Variants in RFX7 observed in about 807,000 individuals in gnomAD.
RFX7 encodes the protein DNA-binding protein RFX7.
Under a neutral mutation model 111.8 loss-of-function variants are expected in RFX7, and 26 were observed. The observed-to-expected ratio is 0.23, with a 90% CI of 0.17 to 0.32. The LOEUF (loss-of-function observed/expected upper bound fraction) is 0.32. Among genes scored for constraint, RFX7 ranks in the 10% least tolerant of loss-of-function variants. The probability of loss-of-function intolerance (pLI) is 1.00; values close to 1 mark genes in which losing one functional copy is unlikely to be tolerated. For missense variants in RFX7, 1,573 were observed against 1,772.9 expected, an observed-to-expected ratio of 0.89 and a Z score of 2.02; for synonymous variants, 624 against 624.4, an observed-to-expected ratio of 1.00 and a Z score of 0.01.
intron 4 of RFX7, among the ~76,000 whole-genome samples, chr15:56,143,338 C>A (rs1284628218): frequency 7.6e-6 from 1 of 132,176 alleles, no homozygotes; most frequent in East Asian, 2.0e-4. Flanking sequence ...TATACACATA[C>A]ATATACATAT....
chr15:56,203,595 A>C (rs551583567), intron 2 of RFX7, among the ~76,000 whole-genome samples: 1 of 152,278 alleles, frequency 6.6e-6, no homozygotes, highest in South Asian at 2.1e-4. Context: ...AGGTCAGCAC[A>C]AGATACAGGT....
In RFX7 at chr15:56,094,871, T is replaced by A. The variant is rs1460870976; in HGVS notation, c.2857A>T (p.Thr953Ser). The A allele has an allele frequency of 6.5e-7, 1 of 1,547,216 alleles. No individual in the cohort carries two copies. The highest frequency in any genetic ancestry group is 8.7e-7 in the Non-Finnish European group (1 of 1,144,976). ...GTTGGGGTTGGAGTAGGAGTGGGTG[T>A]GGGTGTGGGTGTGGGTGTGTGGATT... Reference protein sequence around the residue: ...TPIHTPTPTPTPTPTPTPTPT... With the variant: ...TPIHTPTPTPSPTPTPTPTPT... Residue 953 changes from threonine (T) to serine (S), a missense_variant, in exon 10 of 10, where the codon ACA becomes TCA. Thr to Ser is a moderately conservative substitution (Grantham distance 58). Transcript: ENST00000559447.
At chr15:56,158,278 G>C (rs2042678457) in intron 3 of RFX7, among the ~76,000 whole-genome samples, 1 of 152,114 alleles carries the variant, frequency 6.6e-6, no homozygotes, top group South Asian at 2.1e-4. Flanking sequence ...AGCTTTTTAA[G>C]CTGAGTATCA....
intron 5 of RFX7, among the ~76,000 whole-genome samples, chr15:56,123,149 G>C (rs1449823188): frequency 6.6e-6 from 1 of 152,070 alleles, no homozygotes; most frequent in Non-Finnish European, 1.5e-5. Flanking sequence ...AGCCACCACA[G>C]CTGTAAATAC....
intron 2 of RFX7, among the ~76,000 whole-genome samples, chr15:56,236,843 T>G (rs1264301755): frequency 6.6e-6 from 1 of 152,108 alleles, no homozygotes; most frequent in African/African-American, 2.4e-5. Context: ...GTTAGTAAAC[T>G]CCCCAACAAC....
At chr15:56,149,924 C>A (rs2042544259) in intron 3 of RFX7, among the ~76,000 whole-genome samples, 1 of 152,000 alleles carries the variant, frequency 6.6e-6, no homozygotes, top group South Asian at 2.1e-4. Flanking sequence ...TCAGCGGGTC[C>A]CACTCCCACG....
At chr15:56,104,158 T>C (rs940738121) in intron 5 of RFX7, among the ~76,000 whole-genome samples, 3 of 152,172 alleles carry the variant, frequency 2.0e-5, no homozygotes, top group Non-Finnish European at 2.9e-5. Flanking sequence ...ATTTTACTGA[T>C]AAGAGAAAAA....
At position 56,091,239 on chromosome 15, in the gene RFX7, G is replaced by A. The variant is rs1205395560; in HGVS notation, c.*2106C>T. ...ATTGCTACATAAGACAATTTTATCT[G>A]TCACTTTGATGACATTTTGTCTTTT... On this transcript the variant is annotated 3_prime_UTR_variant, in exon 10 of 10. Transcript: ENST00000559447. 6.6e-6 allele frequency: 1 copy of A among 152,460 alleles called. No individual in the cohort carries two copies. The highest frequency in any genetic ancestry group is 2.4e-5 in the African/African-American group (1 of 41,414). 9.4% of individuals were successfully genotyped at this position (152,460 alleles called of 1,614,324 possible).
chr15:56,203,278 C>T (rs2043213081), intron 2 of RFX7, among the ~76,000 whole-genome samples: 1 of 152,132 alleles, frequency 6.6e-6, no homozygotes, highest in East Asian at 1.9e-4. Context: ...TCTAGAAGTA[C>T]ACTTTGCGAA....
intron 5 of RFX7, among the ~76,000 whole-genome samples, chr15:56,129,375 CAAA>C (rs144104993): frequency 1.1e-5 from 1 of 92,906 alleles, no homozygotes. Context: ...GACTCCCCCT[CAAA>C]AAAAAAAAAA....
At chr15:56,139,511 ATT>A (rs2042357563) in intron 5 of RFX7, among the ~76,000 whole-genome samples, 2 of 152,010 alleles carry the variant, frequency 1.3e-5, no homozygotes, top group Admixed American at 1.3e-4. Flanking sequence ...CTAGTTATAC[ATT>A]CTTCTAAATG....
intron 3 of RFX7, among the ~76,000 whole-genome samples, chr15:56,151,541 C>T (rs978695826): frequency 6.6e-6 from 1 of 152,164 alleles, no homozygotes; most frequent in Non-Finnish European, 1.5e-5. Context: ...ACCTGCCTTA[C>T]AAGAGGTCCT....
intron 3 of RFX7, among the ~76,000 whole-genome samples, chr15:56,157,448 A>C (rs564280883): frequency 6.6e-6 from 1 of 152,284 alleles, no homozygotes; most frequent in East Asian, 1.9e-4. Flanking sequence ...AGTATTTCAC[A>C]CTTTCTCTAC....
intron 2 of RFX7, among the ~76,000 whole-genome samples, chr15:56,222,697 A>C (rs774393096): frequency 2.6e-5 from 4 of 152,098 alleles, no homozygotes; most frequent in Non-Finnish European, 4.4e-5. Context: ...GATATTCTCT[A>C]TCTGTGCATG....
intron 2 of RFX7, among the ~76,000 whole-genome samples, chr15:56,233,833 C>T (rs1333156242): frequency 6.6e-6 from 1 of 152,154 alleles, no homozygotes; most frequent in Non-Finnish European, 1.5e-5. Context: ...TTCTTCTCTA[C>T]TATTACTTTA....
At chr15:56,209,055 G>A (rs756666063) in intron 2 of RFX7, among the ~76,000 whole-genome samples, 13 of 151,952 alleles carry the variant, frequency 8.6e-5, no homozygotes, top group Non-Finnish European at 1.8e-4. Flanking sequence ...GATCTAGGAA[G>A]CTCAGAGAAC....
intron 3 of RFX7, among the ~76,000 whole-genome samples, chr15:56,164,710 T>G (rs913134217): frequency 8.6e-5 from 13 of 152,026 alleles, no homozygotes; most frequent in Admixed American, 8.5e-4. Flanking sequence ...TCTGCCGCGA[T>G]TTTTTTTCTT....
chr15:56,231,583 T>G (rs1266354635), intron 2 of RFX7, among the ~76,000 whole-genome samples: 1 of 152,136 alleles, frequency 6.6e-6, no homozygotes, highest in Non-Finnish European at 1.5e-5. Context: ...AAGCTAAATT[T>G]AAGATAAGAT....
At chr15:56,129,939 G>T (rs1313037370) in intron 5 of RFX7, among the ~76,000 whole-genome samples, 1 of 152,080 alleles carries the variant, frequency 6.6e-6, no homozygotes, top group Non-Finnish European at 1.5e-5. Context: ...ATTTGTAAAT[G>T]GTAGCTGAAA....
Sources: gnomAD v4.1 joint callset for allele counts (sites outside exome capture counted in the v4.1 genomes callset) on GRCh38, gnomAD v4.1.1 for gene constraint, MANE v1.5 for transcripts, NCBI Gene and HGNC (gene_info 2026-07-23, HGNC 2026-07-21) for gene names.